Variants in SEC61A1 observed in about 807,000 individuals in gnomAD.
SEC61A1 encodes SEC61 translocon subunit alpha 1, also known as protein transport protein Sec61 subunit alpha isoform 1.
In SEC61A1, 15 loss-of-function variants were observed where a neutral mutation model predicts 55.2. That is an observed-to-expected ratio of 0.27 (90% CI 0.18 to 0.42). SEC61A1 has a LOEUF of 0.42. Ranked by LOEUF, SEC61A1 falls within the 10% of genes least tolerant of loss-of-function variation. The pLI is 1.00. For missense variants in SEC61A1, 284 were observed against 602.6 expected, an observed-to-expected ratio of 0.47 and a Z score of 5.53; for synonymous variants, 247 against 234.0, an observed-to-expected ratio of 1.06 and a Z score of -0.51.
At chr3:128,063,289 ATGTAAAATTAAT>A (rs1382572664) in intron 7 of SEC61A1, among the ~76,000 whole-genome samples, 2 of 152,198 alleles carry the variant, frequency 1.3e-5, no homozygotes, top group East Asian at 3.9e-4. Flanking sequence ...TTAATCTGTC[ATGTAAAATTAAT>A]TGTACTCCAA....
In SEC61A1 at chr3:128,058,879, CA is replaced by C. The variant is rs201908669; in HGVS notation, c.353-1216del. On this transcript the variant is annotated intron_variant, in intron 5 of 11. Coordinates refer to ENST00000243253, the MANE Select transcript of SEC61A1 (RefSeq NM_013336.4). ...AACAAAACAAAAAACACTAAGAAAA[CA>C]AAAAAAGTACAAGCACAAATTGGCT... is the stretch of plus-strand genomic sequence containing the variant. Among the ~76,000 whole-genome samples, 88 of 152,182 alleles carry C rather than the reference CA, an allele frequency of 5.8e-4. 2 individuals carry two copies. In the East Asian group the frequency reaches 0.012, roughly 21 times the overall value.
At chr3:128,064,650 T>TA (rs1215815330) in intron 7 of SEC61A1, 39 of 524,084 alleles carry the variant, frequency 7.4e-5, no homozygotes, top group South Asian at 3.4e-4. Context: ...GGACCCTGTC[T>TA]AAAAAAAATC....
Position 128,067,330 on chromosome 3 carries a change from T to A in SEC61A1, c.976-91T>A. ...TTGTACTGTGGGCACCGAGTAAAAT[T>A]GCATTCTTTCATCTGCTCAGAACTA... On this transcript the variant is annotated intron_variant, in intron 9 of 11. Transcript: ENST00000243253. This position sits in a 1 kb window ranked among gnomAD's most constrained non-coding sequence, Gnocchi z 4.1. The A allele has an allele frequency of 7.1e-7, 1 of 1,407,598 alleles. No individual in the cohort carries two copies. Among genetic ancestry groups the A allele is most frequent in the Non-Finnish European group, 9.7e-7 (1 of 1,027,740 alleles). 87.2% of individuals were successfully genotyped at this position (1,407,598 alleles called of 1,614,324 possible).
At chr3:128,054,211 A>C (rs1164927472) in intron 2 of SEC61A1, among the ~76,000 whole-genome samples, 3 of 152,214 alleles carry the variant, frequency 2.0e-5, no homozygotes, top group Non-Finnish European at 4.4e-5. Flanking sequence ...GGCTACTAAG[A>C]AGCAGAGGAG....
chr3:128,052,525 G>C lies in SEC61A1; in HGVS notation c.-28G>C, dbSNP rs755515704. ...ACGCGGAGCAGAGCTGAGCTGAAGC[G>C]GGACCCGGAGCCCGAGCAGCCGCCG... On this transcript the variant is annotated 5_prime_UTR_variant, in exon 1 of 12. Coordinates refer to ENST00000243253, the MANE Select transcript of SEC61A1 (RefSeq NM_013336.4). The C allele has an allele frequency of 2.5e-5, 40 of 1,594,458 alleles. 2 individuals are homozygous for C. In the South Asian group the frequency reaches 4.5e-4, roughly 18 times the overall value.
rs899187103 is a variant in SEC61A1, at chr3:128,070,402, G to A, written c.*740G>A. On this transcript the variant is annotated 3_prime_UTR_variant, in exon 12 of 12. Transcript: ENST00000243253. Reference sequence around the variant, plus strand: ...CTTGGGTCATCAGCTCTGCCAAGCTGAGCCTGGCCAAGCTAGGTGGACAGA... The same window carrying A: ...CTTGGGTCATCAGCTCTGCCAAGCTAAGCCTGGCCAAGCTAGGTGGACAGA... 1 of 152,248 alleles carries A rather than the reference G, an allele frequency of 6.6e-6. No homozygotes were observed. Among genetic ancestry groups the A allele is most frequent in the Non-Finnish European group, 1.5e-5 (1 of 68,054 alleles). 9.4% of individuals were successfully genotyped at this position (152,248 alleles called of 1,614,324 possible).
upstream of SEC61A1, chr3:128,052,347 G>A: frequency 1.4e-6 from 1 of 725,924 alleles, no homozygotes. Flanking sequence ...GCGGCCGGCG[G>A]GCGCGCGTGG....
At position 128,067,460 on chromosome 3, in the gene SEC61A1, G is replaced by A; in HGVS notation, c.1015G>A (p.Gly339Ser). The A allele has an allele frequency of 6.2e-7, 1 of 1,614,092 alleles. No individual in the cohort carries two copies. Among genetic ancestry groups the A allele is most frequent in the Non-Finnish European group, 8.5e-7 (1 of 1,180,014 alleles). ...GGGCCCAGCACGTGCTTATCCAGTTGGTGGCCTTTGCTATTACCTGTCCCC... is the reference window on the plus strand; with the variant it reads ...GGGCCCAGCACGTGCTTATCCAGTTAGTGGCCTTTGCTATTACCTGTCCCC... ...SGGPARAYPV[G>S]GLCYYLSPPE... Residue 339 changes from glycine to serine, a missense_variant, in exon 10 of 12, where the codon GGT (glycine) becomes AGT (serine). Coordinates refer to ENST00000243253, the MANE Select transcript of SEC61A1 (RefSeq NM_013336.4). The surrounding 1 kb of genome is among the most constrained non-coding windows in gnomAD (Gnocchi z 4.1).
intron 5 of SEC61A1, among the ~76,000 whole-genome samples, chr3:128,058,201 A>ATTT (rs57508280): frequency 0.041 from 3,222 of 79,396 alleles, 234 homozygotes; most frequent in Middle Eastern, 0.06. Context: ...AAATACGTCT[A>ATTT]TTTTTTTTTT....
Position 128,068,033 on chromosome 3 carries a change from G to C in SEC61A1, c.1218G>C (p.Glu406Asp). The change falls in exon 11 of 12, where the codon GAG becomes GAC. Residue 406 changes from glutamate (E) to aspartate (D), a missense_variant. By Grantham distance (45) the Glu-to-Asp change is conservative. Transcript: ENST00000243253. Reference protein sequence around the residue: ...EQQMVMRGHRETSMVHELNRY... With the variant: ...EQQMVMRGHRDTSMVHELNRY... Reference sequence around the variant, plus strand: ...AGATGGTGATGAGAGGCCACCGAGAGACCTCCATGGTCCATGAACTCAACC... The same window carrying C: ...AGATGGTGATGAGAGGCCACCGAGACACCTCCATGGTCCATGAACTCAACC... The C allele has an allele frequency of 1.2e-6, 2 of 1,613,948 alleles. No homozygotes were observed. Among genetic ancestry groups the C allele is most frequent in the Non-Finnish European group, 1.7e-6 (2 of 1,179,992 alleles).
At chr3:128,056,984 TG>T in intron 5 of SEC61A1, 144 bp downstream of exon 5, 1 of 553,644 alleles carries the variant, frequency 1.8e-6, no homozygotes, top group Non-Finnish European at 2.6e-6. Context: ...TTGCCCAGGC[TG>T]GAGTGCAGTG....
chr3:128,067,219 C>A lies in SEC61A1; in HGVS notation c.975+68C>A. ...TGCAGTGGTTTCTATCAGTGTCTTGCTCATGAACAGATATTTCATCCAAAG... is the reference window on the plus strand; with the variant it reads ...TGCAGTGGTTTCTATCAGTGTCTTGATCATGAACAGATATTTCATCCAAAG... On this transcript the variant is annotated intron_variant, in intron 9 of 11. Coordinates refer to ENST00000243253, the MANE Select transcript of SEC61A1 (RefSeq NM_013336.4). The surrounding 1 kb of genome is among the most constrained non-coding windows in gnomAD (Gnocchi z 4.1). 3 of 1,432,510 alleles carry A rather than the reference C, an allele frequency of 2.1e-6. No homozygotes were observed. The highest frequency in any genetic ancestry group is 1.2e-5 in the South Asian group (1 of 85,692). The allele number at this position is 1,432,510 out of a possible 1,614,324, so 88.7% of individuals were successfully genotyped here.
intron 7 of SEC61A1, among the ~76,000 whole-genome samples, chr3:128,062,057 TGA>T (rs916554157): frequency 2.0e-5 from 3 of 152,176 alleles, no homozygotes; most frequent in African/African-American, 7.2e-5. Flanking sequence ...GAGCACTGTG[TGA>T]GGGCATTTGG....
In SEC61A1 at chr3:128,056,696, C is replaced by A; in HGVS notation, c.221-13C>A. 1 of 1,506,818 alleles carries A rather than the reference C, an allele frequency of 6.6e-7. No homozygotes were observed. Among genetic ancestry groups the A allele is most frequent in the Non-Finnish European group, 8.9e-7 (1 of 1,122,918 alleles). The allele number at this position is 1,506,818 out of a possible 1,614,324, so 93.3% of individuals were successfully genotyped here. A position where few individuals can be genotyped will look rare whatever the true frequency, so the allele number is the denominator to read the frequency against. On this transcript the variant is annotated splice_polypyrimidine_tract_variant and intron_variant, in intron 4 of 11. Transcript: ENST00000243253. ...AGCTGATATTGACTGTTTTGCTTCC[C>A]CGTTTCCTCAAGGCACATTGATGGA...
rs568573146 is a variant in SEC61A1, at chr3:128,057,628, C to T, written c.352+788C>T. On this transcript the variant is annotated intron_variant, in intron 5 of 11. Transcript: ENST00000243253. ...CCCCCAGCACTTTGGGAGGCTGAGGCGGGCGGATCATCTGAGGTCAGGAGT... is the reference window on the plus strand; with the variant it reads ...CCCCCAGCACTTTGGGAGGCTGAGGTGGGCGGATCATCTGAGGTCAGGAGT... Among the ~76,000 whole-genome samples, 313 of 152,152 alleles carry T rather than the reference C, an allele frequency of 2.1e-3. 4 individuals are homozygous for T. Among genetic ancestry groups the T allele is most frequent in the African/African-American group, 6.6e-3 (272 of 41,524 alleles).
At chr3:128,051,877 G>A (rs1252718456), upstream of SEC61A1, 2 of 1,535,912 alleles carry the variant, frequency 1.3e-6, no homozygotes, top group East Asian at 2.4e-5. Context: ...AAGCCTCCGG[G>A]TTTGCTTAAT....
intron 2 of SEC61A1, among the ~76,000 whole-genome samples, chr3:128,053,903 A>C (rs547806977): frequency 4.1e-4 from 63 of 152,334 alleles, no homozygotes; most frequent in African/African-American, 1.5e-3. Flanking sequence ...ATGATGTCTT[A>C]TGGTGGTTTT....
At chr3:128,062,121 A>G (rs1214691940) in intron 7 of SEC61A1, among the ~76,000 whole-genome samples, 1 of 152,194 alleles carries the variant, frequency 6.6e-6, no homozygotes, top group Non-Finnish European at 1.5e-5. Flanking sequence ...GGTGGGGGAA[A>G]ACTAAGAAGC....
Position 128,067,913 on chromosome 3 carries a change from A to C in SEC61A1, c.1168-70A>C. On this transcript the variant is annotated intron_variant, in intron 10 of 11. Coordinates refer to ENST00000243253, the MANE Select transcript of SEC61A1 (RefSeq NM_013336.4). This position sits in a 1 kb window ranked among gnomAD's most constrained non-coding sequence, Gnocchi z 4.1. ...TCGAAGAGGCGATCTGTAACTGTTC[A>C]GTACCACTTGGAATGCCTATTTCCC... 1 of 1,214,362 alleles carries C rather than the reference A, an allele frequency of 8.2e-7. No individual in the cohort carries two copies. Among genetic ancestry groups the C allele is most frequent in the Non-Finnish European group, 1.2e-6 (1 of 816,162 alleles). 75.2% of individuals were successfully genotyped at this position (1,214,362 alleles called of 1,614,324 possible).
Sources: allele counts gnomAD v4.1 joint callset (sites outside exome capture counted in the v4.1 genomes callset), GRCh38; gene constraint gnomAD v4.1.1; non-coding constraint Gnocchi (gnomAD v3.1); transcripts MANE v1.5; gene names NCBI Gene and HGNC (gene_info 2026-07-23, HGNC 2026-07-21).